The following SGCG variants were observed in gnomAD, a reference collection of about 807,000 sequenced individuals.
SGCG encodes the protein gamma-sarcoglycan.
SGCG carries 26 observed loss-of-function variants against 29.3 expected under a neutral mutation model. The ratio of observed to expected loss-of-function variants is 0.89; its 90% confidence interval spans 0.65 to 1.23. The LOEUF (loss-of-function observed/expected upper bound fraction) is 1.23, where lower values mean the gene tolerates loss of function less well. Ranked by LOEUF, SGCG falls within the 50% of genes most tolerant of loss-of-function variation. SGCG has a pLI of 0.00. For synonymous variants in SGCG, 145 were observed against 129.7 expected (o/e 1.12, Z -0.80); for missense variants, 353 against 356.0 (o/e 0.99, Z 0.07).
rs1315465837 is a variant in SGCG at position 23,279,377 on chromosome 13, T to A, written c.404T>A (p.Val135Asp). Residue 135 changes from valine to aspartate, a missense_variant, in exon 5 of 8, where the codon GTC becomes GAC. Coordinates refer to ENST00000218867, the MANE Select transcript of SGCG (RefSeq NM_000231.3). ...RLKVGPKMVEVQNQQFQINSN... is the reference protein window; with the variant it reads ...RLKVGPKMVEDQNQQFQINSN... ...TCTTCAGGTCCCAAAATGGTAGAAGTCCAGAATCAACAGTTTCAGATCAAC... is the reference window on the plus strand; with the variant it reads ...TCTTCAGGTCCCAAAATGGTAGAAGACCAGAATCAACAGTTTCAGATCAAC... 6.2e-7 allele frequency: 1 copy of A among 1,613,044 alleles called. No individual in the cohort carries two copies. Among genetic ancestry groups the A allele is most frequent in the Non-Finnish European group, 8.5e-7 (1 of 1,179,392 alleles).
intron 6 of SGCG, among the ~76,000 whole-genome samples, chr13:23,318,188 G>C (rs571670784): frequency 6.6e-6 from 1 of 151,236 alleles, no homozygotes; most frequent in Non-Finnish European, 1.5e-5. Flanking sequence ...CTTCCTACTA[G>C]TTATGTCCTA....
intron 6 of SGCG, among the ~76,000 whole-genome samples, chr13:23,309,731 G>T (rs1344198820): frequency 6.6e-6 from 1 of 152,184 alleles, no homozygotes; most frequent in African/African-American, 2.4e-5. Context: ...AACAGTGTGT[G>T]TAAGAGCAAT....
intron 1 of SGCG, among the ~76,000 whole-genome samples, chr13:23,186,305 C>T (rs939708545): frequency 6.6e-5 from 10 of 152,190 alleles, no homozygotes; most frequent in Admixed American, 5.2e-4. Context: ...CTTGCTGGTC[C>T]GCCTGGGTGA....
chr13:23,226,477 A>G (rs1283880982), intron 2 of SGCG, among the ~76,000 whole-genome samples: 1 of 152,210 alleles, frequency 6.6e-6, no homozygotes, highest in Non-Finnish European at 1.5e-5. Context: ...AAATGGAAAA[A>G]TAGACAGTGT....
At chr13:23,295,360 G>T (rs1881860457) in intron 5 of SGCG, 55 bp from the exon 6 acceptor site, 1 of 1,272,390 alleles carries the variant, frequency 7.9e-7, no homozygotes, top group Non-Finnish European at 1.2e-6. Flanking sequence ...TGTTTATTTT[G>T]TTTGGTGTCA....
At chr13:23,307,394 TTGA>T (rs1206169633) in intron 6 of SGCG, among the ~76,000 whole-genome samples, 1 of 152,226 alleles carries the variant, frequency 6.6e-6, no homozygotes, top group East Asian at 1.9e-4. Flanking sequence ...AAGTACAGTC[TTGA>T]TGAGCTTAGA....
intron 2 of SGCG, among the ~76,000 whole-genome samples, chr13:23,207,021 G>T (rs1485223098): frequency 6.6e-6 from 1 of 150,428 alleles, no homozygotes; most frequent in Non-Finnish European, 1.5e-5. Context: ...TCAGTCTTGA[G>T]AAAGAAAAAC....
the SGCG span, among the ~76,000 whole-genome samples, chr13:23,166,149 C>T: frequency 2.0e-5 from 3 of 152,178 alleles, no homozygotes; most frequent in South Asian, 4.1e-4. Flanking sequence ...CATTTCTCAA[C>T]ATTAAATATG....
intron 2 of SGCG, among the ~76,000 whole-genome samples, chr13:23,218,532 GTAA>G (rs1182034206): frequency 1.3e-5 from 2 of 152,102 alleles, no homozygotes; most frequent in African/African-American, 2.4e-5. Context: ...TATTAAGGTA[GTAA>G]TGATAAATAT....
At chr13:23,224,881 A>C (rs895346369) in intron 2 of SGCG, among the ~76,000 whole-genome samples, 1 of 151,872 alleles carries the variant, frequency 6.6e-6, no homozygotes, top group Non-Finnish European at 1.5e-5. Flanking sequence ...AGTAGGGCCC[A>C]GGTGTCTGAT....
chr13:23,207,093 C>T (rs768355671), intron 2 of SGCG, among the ~76,000 whole-genome samples: 1 of 152,172 alleles, frequency 6.6e-6, no homozygotes, highest in African/African-American at 2.4e-5. Flanking sequence ...GTAATTTAAA[C>T]AGTATGGTAC....
intron 5 of SGCG, among the ~76,000 whole-genome samples, chr13:23,287,756 G>GTTTGTTTGT (rs1323693241): frequency 4.6e-5 from 7 of 151,774 alleles, no homozygotes; most frequent in African/African-American, 1.7e-4. Context: ...TTGTTTGTTT[G>GTTTGTTTGT]TTTGTTTTGT....
At chr13:23,182,748 A>G (rs976081353) in intron 1 of SGCG, among the ~76,000 whole-genome samples, 2 of 152,370 alleles carry the variant, frequency 1.3e-5, no homozygotes, top group African/African-American at 4.8e-5. Flanking sequence ...GCTCGACTTC[A>G]GTATGACTGG....
At chr13:23,306,711 C>T (rs9507077) in intron 6 of SGCG, among the ~76,000 whole-genome samples, 1 of 152,184 alleles carries the variant, frequency 6.6e-6, no homozygotes, top group Admixed American at 6.5e-5. Context: ...CTTCTGGTAA[C>T]TGACAACTTA....
intron 6 of SGCG, among the ~76,000 whole-genome samples, chr13:23,309,634 T>C (rs575259009): frequency 7.0e-4 from 106 of 152,346 alleles, no homozygotes; most frequent in African/African-American, 2.5e-3. Context: ...TTATGTCTGC[T>C]ATAGGTTTTT....
chr13:23,186,170 C>G (rs1227848657), intron 1 of SGCG, among the ~76,000 whole-genome samples: 2 of 152,170 alleles, frequency 1.3e-5, no homozygotes, highest in African/African-American at 4.8e-5. Context: ...TTGGGGTGAC[C>G]CTGACATTCA....
intron 2 of SGCG, among the ~76,000 whole-genome samples, chr13:23,222,276 C>G (rs943911605): frequency 3.3e-5 from 5 of 152,158 alleles, no homozygotes; most frequent in African/African-American, 1.2e-4. Context: ...TAAATGTGTC[C>G]TTTGACAAAG....
intron 2 of SGCG, among the ~76,000 whole-genome samples, chr13:23,233,319 AG>A (rs1249563346): frequency 1.3e-5 from 2 of 152,250 alleles, no homozygotes; most frequent in Non-Finnish European, 2.9e-5. Flanking sequence ...AGCCACAAAA[AG>A]ATAAATATGA....
In SGCG at chr13:23,265,284, A is replaced by C. The variant is rs142944747; in HGVS notation, c.386-14075A>C. Among the ~76,000 whole-genome samples, 617 of 152,350 alleles carry C rather than the reference A, an allele frequency of 4.0e-3. 8 individuals carry two copies. The highest frequency in any genetic ancestry group is 0.014 in the African/African-American group (585 of 41,570). On this transcript the variant is annotated intron_variant, in intron 4 of 7. Coordinates refer to ENST00000218867, the MANE Select transcript of SGCG (RefSeq NM_000231.3). ...AAAAAAAATGAATAATATCATTAAA[A>C]AGTAGGCAAAGGGGCCGGGCACAGT...
Sources: gnomAD v4.1 joint callset for allele counts (sites outside exome capture counted in the v4.1 genomes callset) on GRCh38, gnomAD v4.1.1 for gene constraint, MANE v1.5 for transcripts, NCBI Gene and HGNC (gene_info 2026-07-23, HGNC 2026-07-21) for gene names.